The following ALDH3A2 variants were observed in gnomAD, a reference collection of about 807,000 sequenced individuals.
The protein encoded by ALDH3A2 is aldehyde dehydrogenase 3 family member A2, also known as aldehyde dehydrogenase family 3 member A2.
ALDH3A2 carries 36 observed loss-of-function variants against 51.3 expected under a neutral mutation model. That is an observed-to-expected ratio of 0.70 (90% CI 0.54 to 0.93). ALDH3A2 has a LOEUF of 0.93. Among genes scored for constraint, ALDH3A2 ranks in the 40% least tolerant of loss-of-function variants. ALDH3A2 has a pLI of 0.00. For missense variants in ALDH3A2, 552 were observed against 603.1 expected (o/e 0.92, Z 0.89); for synonymous variants, 199 against 219.8 (o/e 0.91, Z 0.84).
chr17:19,650,555 A>G (rs1009626156), intron 1 of ALDH3A2, among the ~76,000 whole-genome samples: 2 of 151,294 alleles, frequency 1.3e-5, no homozygotes, highest in Non-Finnish European at 3.0e-5. Context: ...CCGGGTTCAC[A>G]CCATTCTCCT....
chr17:19,663,892 G>T (rs2085001362), intron 7 of ALDH3A2, among the ~76,000 whole-genome samples: 2 of 152,224 alleles, frequency 1.3e-5, no homozygotes, highest in South Asian at 4.1e-4. Context: ...GTGGGACAAA[G>T]ACCCCGACAC....
In ALDH3A2 at chr17:19,649,076, G is replaced by A; in HGVS notation, c.105G>A (p.Gln35=). 2 of 1,584,080 alleles carry A rather than the reference G, an allele frequency of 1.3e-6. No homozygotes were observed. The highest frequency in any genetic ancestry group is 1.2e-5 in the South Asian group (1 of 86,786). The change falls in exon 1 of 10, where the codon CAG becomes CAA. Residue 35 remains glutamine (Q), a synonymous_variant. Transcript: ENST00000176643. ...TGGAGGCCCTGCGGAGGATGGTGCA[G>A]GAGCGCGAGAAGGATATCCTGACGG... is the stretch of plus-strand genomic sequence containing the variant. The part of the protein sequence containing the change: ...QQLEALRRMV[Q]EREKDILTAI...
In ALDH3A2 at chr17:19,675,664, A is replaced by G. The variant is rs780007470; in HGVS notation, c.*92A>G. The G allele has an allele frequency of 8.2e-6, 11 of 1,345,660 alleles. No homozygotes were observed. The South Asian group carries it at 1.3e-4, about 16-fold the overall frequency. The allele number at this position is 1,345,660 out of a possible 1,614,324, so 83.4% of individuals were successfully genotyped here. A position where few individuals can be genotyped will look rare whatever the true frequency, so the allele number is the denominator to read the frequency against. Reference sequence around the variant, plus strand: ...CAATAATTTTTAAATCATACCAAAAATAGTAAGAAAATATGCAAACACTCT... The same window carrying G: ...CAATAATTTTTAAATCATACCAAAAGTAGTAAGAAAATATGCAAACACTCT... On this transcript the variant is annotated 3_prime_UTR_variant, in exon 10 of 10. Coordinates refer to ENST00000176643, the MANE Select transcript of ALDH3A2 (RefSeq NM_000382.3).
chr17:19,675,249 A>C, intron 9 of ALDH3A2: 1 of 346,350 alleles, frequency 2.9e-6, no homozygotes, highest in East Asian at 5.3e-5. Context: ...TAGGATAATA[A>C]GTTAGTACTC....
chr17:19,658,662 C>T (rs958508456), intron 5 of ALDH3A2, among the ~76,000 whole-genome samples: 8 of 151,024 alleles, frequency 5.3e-5, no homozygotes, highest in African/African-American at 1.5e-4. Context: ...TGGCAAGAAT[C>T]GCTTGAACCC....
At chr17:19,664,028 C>G (rs572095595) in intron 7 of ALDH3A2, among the ~76,000 whole-genome samples, 10 of 152,318 alleles carry the variant, frequency 6.6e-5, no homozygotes, top group African/African-American at 1.9e-4. Context: ...CTCACTCATT[C>G]ATGTCACTAG....
At chr17:19,650,221 A>G (rs1157054628) in intron 1 of ALDH3A2, among the ~76,000 whole-genome samples, 1 of 151,476 alleles carries the variant, frequency 6.6e-6, no homozygotes, top group Non-Finnish European at 1.5e-5. Context: ...TGTGGTAGCA[A>G]AGTTTTAAGT....
rs550953653 is a variant in ALDH3A2, at chr17:19,654,677, C to A, written c.472-1689C>A. Among the ~76,000 whole-genome samples, 1 of 152,034 alleles carries A rather than the reference C, an allele frequency of 6.6e-6. No individual in the cohort carries two copies. Among genetic ancestry groups the A allele is most frequent in the Non-Finnish European group, 1.5e-5 (1 of 68,020 alleles). On this transcript the variant is annotated intron_variant, in intron 3 of 9. Transcript: ENST00000176643. This position sits in a 1 kb window ranked among gnomAD's most constrained non-coding sequence, Gnocchi z 4.5. ...GGCTTGTGAGCGCCACGCGCAGCCC[C>A]GGTTCCTGCCTGCGCCTCTCCCTCC...
intron 8 of ALDH3A2, among the ~76,000 whole-genome samples, chr17:19,667,131 A>T (rs2085049397): frequency 1.3e-5 from 2 of 152,172 alleles, no homozygotes; most frequent in Admixed American, 1.3e-4. Context: ...ATGCACACAC[A>T]TATACACGGT....
chr17:19,658,588 A>T (rs1009868252), intron 5 of ALDH3A2, among the ~76,000 whole-genome samples: 7 of 151,934 alleles, frequency 4.6e-5, no homozygotes, highest in African/African-American at 1.7e-4. Context: ...TCAGCCGGGG[A>T]TGGTGGTGCA....
intron 1 of ALDH3A2, 123 bp downstream of exon 1, chr17:19,649,247 T>G (rs2084781373): frequency 1.5e-6 from 2 of 1,330,650 alleles, no homozygotes; most frequent in African/African-American, 1.5e-5. Context: ...GGGAGTATGA[T>G]CTCCAGCGAT....
intron 5 of ALDH3A2, among the ~76,000 whole-genome samples, chr17:19,659,408 C>T (rs2084939014): frequency 6.6e-6 from 1 of 151,910 alleles, no homozygotes; most frequent in South Asian, 2.1e-4. Flanking sequence ...TATGGTGGCA[C>T]ATGCCTGTAG....
chr17:19,673,012 G>A, intron 9 of ALDH3A2: 1 of 1,146,696 alleles, frequency 8.7e-7, no homozygotes, highest in South Asian at 1.2e-5. Context: ...CTGCACTCCA[G>A]CCTGGGCAAT....
At chr17:19,665,582 G>A (rs1055420920) in intron 8 of ALDH3A2, among the ~76,000 whole-genome samples, 1 of 152,090 alleles carries the variant, frequency 6.6e-6, no homozygotes, top group African/African-American at 2.4e-5. Flanking sequence ...TGAGTAAAAC[G>A]GGACTCCCCC....
In ALDH3A2 at chr17:19,649,123, A is replaced by C. The variant is rs944751000; in HGVS notation, c.152A>C (p.Lys51Thr). 1.9e-6 allele frequency: 3 copies of C among 1,569,704 alleles called. No individual in the cohort carries two copies. The highest frequency in any genetic ancestry group is 2.6e-6 in the Non-Finnish European group (3 of 1,157,216). ...ILTAIAADLC[K>T]SEFNVYSQEV... ...ACGGCCATCGCCGCCGACCTGTGCA[A>C]GGTACGCACGCGTGCGGCGGGGTGT... The change falls in exon 1 of 10, where the codon AAG becomes ACG. Residue 51 changes from lysine (K) to threonine (T), a missense_variant and splice_region_variant. Coordinates refer to ENST00000176643, the MANE Select transcript of ALDH3A2 (RefSeq NM_000382.3).
Position 19,648,909 on chromosome 17 carries a change from C to T in ALDH3A2, c.-63C>T, listed in dbSNP as rs2084772726. 1.3e-6 allele frequency: 2 copies of T among 1,532,528 alleles called. No homozygotes were observed. Among genetic ancestry groups the T allele is most frequent in the Non-Finnish European group, 1.8e-6 (2 of 1,137,978 alleles). The allele number at this position is 1,532,528 out of a possible 1,614,324, so 94.9% of individuals were successfully genotyped here. On this transcript the variant is annotated 5_prime_UTR_variant, in exon 1 of 10. Transcript: ENST00000176643. ...GGAAGGGAGGCGAGGCCTGCACCTG[C>T]ATGCTTCCCGCCTCCCACTCCCCAG...
chr17:19,658,585 G>C (rs2084927628), intron 5 of ALDH3A2, among the ~76,000 whole-genome samples: 1 of 151,866 alleles, frequency 6.6e-6, no homozygotes, highest in Non-Finnish European at 1.5e-5. Context: ...AAATCAGCCG[G>C]GGATGGTGGT....
intron 5 of ALDH3A2, among the ~76,000 whole-genome samples, chr17:19,659,235 G>C (rs1450524449): frequency 1.3e-5 from 2 of 151,810 alleles, no homozygotes; most frequent in Non-Finnish European, 2.9e-5. Context: ...TATCTCAAAA[G>C]AAAAAAAGAT....
intron 8 of ALDH3A2, among the ~76,000 whole-genome samples, chr17:19,665,956 C>G (rs900696406): frequency 6.6e-6 from 1 of 152,108 alleles, no homozygotes; most frequent in South Asian, 2.1e-4. Context: ...AAACCTTGTC[C>G]TATGACCAAG....
Sources: gnomAD v4.1 joint callset for allele counts (sites outside exome capture counted in the v4.1 genomes callset) on GRCh38, gnomAD v4.1.1 for gene constraint, Gnocchi (gnomAD v3.1) non-coding constraint, MANE v1.5 for transcripts, NCBI Gene and HGNC (gene_info 2026-07-23, HGNC 2026-07-21) for gene names.